FAM174A: variants seen among roughly 807,000 people sequenced by gnomAD.
FAM174A encodes membrane protein FAM174A.
Under a neutral mutation model 14.3 loss-of-function variants are expected in FAM174A, and 14 were observed. That is an observed-to-expected ratio of 0.98 (90% CI 0.65 to 1.53). The LOEUF is 1.53. Among genes scored for constraint, FAM174A ranks in the 40% most tolerant of loss-of-function variants. The pLI, the probability that FAM174A is intolerant of heterozygous loss-of-function variation, is 0.00. For synonymous variants in FAM174A, 108 were observed against 111.4 expected (o/e 0.97, Z 0.19); for missense variants, 241 against 249.6 (o/e 0.97, Z 0.23).
chr5:100,579,499 G>A lies in FAM174A; in HGVS notation c.570-6682G>A, dbSNP rs1164979294. Among the ~76,000 whole-genome samples, 29 of 151,720 alleles carry A rather than the reference G, an allele frequency of 1.9e-4. 1 individual carries two copies. The highest frequency in any genetic ancestry group is 2.1e-4 in the South Asian group (1 of 4,804). ...GAGTGCGATGGCACGATCTCGTCTC[G>A]CTGCAGCCTCCCGCTTCCAGGTTCA... On this transcript the variant is annotated intron_variant, in intron 2 of 2. Transcript: ENST00000312637.
intron 2 of FAM174A, among the ~76,000 whole-genome samples, chr5:100,572,409 A>ACCAT (rs1746807020): frequency 3.4e-5 from 1 of 29,548 alleles, no homozygotes; most frequent in Non-Finnish European, 7.8e-5. Context: ...GCCTCCCCCC[A>ACCAT]CCCCACAACA....
At chr5:100,565,753 G>T (rs1175319027) in intron 2 of FAM174A, among the ~76,000 whole-genome samples, 1 of 151,752 alleles carries the variant, frequency 6.6e-6, no homozygotes, top group Non-Finnish European at 1.5e-5. Flanking sequence ...ATTGACAGAT[G>T]TATTAGTCCG....
rs185030258 is a variant in FAM174A, at chr5:100,566,249, A to T, written c.569+4061A>T. 3.5e-4 allele frequency among the ~76,000 whole-genome samples: 52 copies of T among 148,252 alleles called. No individual in the cohort carries two copies. In the East Asian group the frequency reaches 0.01, roughly 29 times the overall value. On this transcript the variant is annotated intron_variant, in intron 2 of 2. Transcript: ENST00000312637. Reference sequence around the variant, plus strand: ...GCCTTAAAAAAAAGAAAATCTGGACATTTGCAACAACATGGATGAACATGG... The same window carrying T: ...GCCTTAAAAAAAAGAAAATCTGGACTTTTGCAACAACATGGATGAACATGG...
intron 2 of FAM174A, among the ~76,000 whole-genome samples, chr5:100,577,832 A>G: frequency 6.6e-6 from 1 of 152,104 alleles, no homozygotes; most frequent in East Asian, 1.9e-4. Flanking sequence ...GCAAAAAGGA[A>G]CTTTTATATA....
chr5:100,559,910 G>A (rs901077936), intron 1 of FAM174A, among the ~76,000 whole-genome samples: 5 of 151,956 alleles, frequency 3.3e-5, no homozygotes, highest in South Asian at 4.2e-4. Context: ...CCTTTAGCTC[G>A]GAGTAGTTTG....
At chr5:100,581,295 A>G (rs1453892551) in intron 2 of FAM174A, 22 of 775,274 alleles carry the variant, frequency 2.8e-5, no homozygotes, top group Middle Eastern at 6.4e-4. Context: ...TCCAGAGAGT[A>G]GGAATCCTTA....
Position 100,579,811 on chromosome 5 carries a change from T to A in FAM174A, c.570-6370T>A, listed in dbSNP as rs186615714. The stretch of plus-strand genomic sequence containing the variant: ...GCTTTCTTTCTGAAGAATTTGGCAA[T>A]TTATGTTTGCAGTTGTATTGCTTGG... On this transcript the variant is annotated intron_variant, in intron 2 of 2. Coordinates refer to ENST00000312637, the MANE Select transcript of FAM174A (RefSeq NM_198507.3). 3.9e-5 allele frequency among the ~76,000 whole-genome samples: 6 copies of A among 152,316 alleles called. No individual in the cohort carries two copies. The East Asian group carries it at 9.7e-4, about 25-fold the overall frequency.
At chr5:100,567,887 T>C (rs1433995705) in intron 2 of FAM174A, among the ~76,000 whole-genome samples, 2 of 151,990 alleles carry the variant, frequency 1.3e-5, no homozygotes, top group Non-Finnish European at 2.9e-5. Flanking sequence ...ATTTCTCCAC[T>C]GTGTTAATGA....
chr5:100,556,313 G>T (rs2112379107), intron 1 of FAM174A, among the ~76,000 whole-genome samples: 1 of 152,154 alleles, frequency 6.6e-6, no homozygotes, highest in South Asian at 2.1e-4. Flanking sequence ...CTCTGTTTTG[G>T]TATCAGTACC....
Position 100,535,553 on chromosome 5 carries a change from G to T in FAM174A, c.23G>T (p.Cys8Phe). Residue 8 changes from cysteine (C) to phenylalanine (F), a missense_variant, in exon 1 of 3, where the codon TGC becomes TTC. Transcript: ENST00000312637. Reference sequence around the variant, plus strand: ...ACGATGAAGGCCTCGCAGTGCTGCTGCTGTCTCAGCCACCTCTTGGCTTCC... The same window carrying T: ...ACGATGAAGGCCTCGCAGTGCTGCTTCTGTCTCAGCCACCTCTTGGCTTCC... MKASQCC[C>F]CLSHLLASVL... 1 of 1,613,138 alleles carries T rather than the reference G, an allele frequency of 6.2e-7. No homozygotes were observed. The highest frequency in any genetic ancestry group is 8.5e-7 in the Non-Finnish European group (1 of 1,179,958).
At chr5:100,560,235 T>A (rs1269011525) in intron 1 of FAM174A, among the ~76,000 whole-genome samples, 1 of 152,078 alleles carries the variant, frequency 6.6e-6, no homozygotes, top group African/African-American at 2.4e-5. Context: ...TTTGCCTGGG[T>A]TTTTTATAGA....
intron 2 of FAM174A, among the ~76,000 whole-genome samples, chr5:100,572,420 G>C (rs1376320608): frequency 9.3e-5 from 8 of 86,050 alleles, no homozygotes; most frequent in African/African-American, 3.5e-4. Context: ...CCCCACAACA[G>C]TCCCCAGAGT....
rs576761055 is a variant in FAM174A, at chr5:100,565,639, A to T, written c.569+3451A>T. ...TATGATTTAGCAGTTTTGCTGCTGG[A>T]TATATATCCAAAGGAAACCATTATT... On this transcript the variant is annotated intron_variant, in intron 2 of 2. Transcript: ENST00000312637. Among the ~76,000 whole-genome samples the T allele has an allele frequency of 6.1e-4, 93 of 151,908 alleles. 1 individual carries two copies. Among genetic ancestry groups the T allele is most frequent in the Admixed American group, 3.6e-3 (54 of 15,180 alleles).
intron 2 of FAM174A, 133 bp downstream of exon 2, chr5:100,562,321 C>A (rs529461522): frequency 9.3e-6 from 7 of 754,366 alleles, no homozygotes; most frequent in Admixed American, 6.8e-5. Flanking sequence ...TACTGAAGTT[C>A]TTTTTGCTAT....
intron 2 of FAM174A, among the ~76,000 whole-genome samples, chr5:100,563,411 A>AC (rs1366619381): frequency 6.6e-5 from 10 of 151,802 alleles, no homozygotes; most frequent in African/African-American, 2.4e-4. Context: ...AAAAAAAAAA[A>AC]AGATCATTAC....
intron 2 of FAM174A, chr5:100,581,247 G>C: frequency 2.3e-6 from 1 of 426,262 alleles, no homozygotes; most frequent in Non-Finnish European, 3.1e-6. Context: ...TTTTTTTTGA[G>C]TCAACCAGTC....
intron 2 of FAM174A, among the ~76,000 whole-genome samples, chr5:100,580,741 A>G (rs1746995115): frequency 6.6e-6 from 1 of 152,162 alleles, no homozygotes; most frequent in African/African-American, 2.4e-5. Flanking sequence ...CTCAGTATTA[A>G]CCATCACACT....
chr5:100,547,304 GTA>G (rs1308380067), intron 1 of FAM174A, among the ~76,000 whole-genome samples: 21 of 152,210 alleles, frequency 1.4e-4, no homozygotes, highest in Middle Eastern at 6.8e-3. Context: ...GATATGTCTT[GTA>G]CATTGTTTTA....
chr5:100,581,827 A>G (rs1196747135), intron 2 of FAM174A, among the ~76,000 whole-genome samples: 1 of 152,222 alleles, frequency 6.6e-6, no homozygotes, highest in Non-Finnish European at 1.5e-5. Flanking sequence ...ATACAGTCTT[A>G]TAAATATAAA....
Sources: allele counts gnomAD v4.1 joint callset (sites outside exome capture counted in the v4.1 genomes callset), GRCh38; gene constraint gnomAD v4.1.1; transcripts MANE v1.5; gene names NCBI Gene and HGNC (gene_info 2026-07-23, HGNC 2026-07-21).